Variants in NPR3 observed in about 807,000 individuals in gnomAD.
The protein encoded by NPR3 is natriuretic peptide receptor 3, also known as atrial natriuretic peptide receptor 3.
In NPR3, 34 loss-of-function variants were observed where a neutral mutation model predicts 54.5. That is an observed-to-expected ratio of 0.62 (90% CI 0.47 to 0.83). NPR3 has a LOEUF of 0.83. Ranked by LOEUF, NPR3 falls within the 40% of genes least tolerant of loss-of-function variation. The probability of loss-of-function intolerance (pLI) is 0.00; values close to 1 mark genes in which losing one functional copy is unlikely to be tolerated. For missense variants in NPR3, 674 were observed against 720.8 expected (o/e 0.94, Z 0.74); for synonymous variants, 289 against 297.1 (o/e 0.97, Z 0.28).
At chr5:32,727,077 A>G (rs1739175932) in intron 2 of NPR3, among the ~76,000 whole-genome samples, 1 of 152,210 alleles carries the variant, frequency 6.6e-6, no homozygotes, top group Non-Finnish European at 1.5e-5. Flanking sequence ...TATCTGTAAA[A>G]TAAATTTCTA....
chr5:32,751,983 C>A (rs1346462458), intron 3 of NPR3, among the ~76,000 whole-genome samples: 1 of 152,118 alleles, frequency 6.6e-6, no homozygotes, highest in Admixed American at 6.5e-5. Context: ...AGGTGGATCA[C>A]CTGAGGTCGG....
At chr5:32,719,991 T>A (rs1738769036) in intron 1 of NPR3, among the ~76,000 whole-genome samples, 1 of 152,220 alleles carries the variant, frequency 6.6e-6, no homozygotes, top group African/African-American at 2.4e-5. Context: ...ATGGAGAATA[T>A]GAATATATCC....
chr5:32,690,879 G>A lies in NPR3; in HGVS notation c.100+1693G>A, dbSNP rs933634296. ...TGCAGTCTACCCTGTTGGAGAAGCC[G>A]CATGGATGAGAACTGAGATGTTCCA... On this transcript the variant is annotated intron_variant, in intron 1 of 5. Transcript: ENST00000509104. Among the ~76,000 whole-genome samples the A allele has an allele frequency of 1.1e-4, 16 of 152,316 alleles. 1 individual carries two copies. The highest frequency in any genetic ancestry group is 7.2e-4 in the Admixed American group (11 of 15,302).
rs200357563 is a variant in NPR3 at position 32,774,789 on chromosome 5, A to C, written c.1141A>C (p.Ser381Arg). 6.2e-7 allele frequency: 1 copy of C among 1,608,648 alleles called. No individual in the cohort carries two copies. Among genetic ancestry groups the C allele is most frequent in the Admixed American group, 1.7e-5 (1 of 60,014 alleles). Residue 381 changes from serine (S) to arginine (R), a missense_variant, in exon 4 of 8, where the codon AGC (serine) becomes CGC (arginine). By Grantham distance (110) the Ser-to-Arg change is moderately radical. Transcript: ENST00000265074. The part of the protein sequence containing the change: ...ALHEVLRAGY[S>R]KKDGGKIIQQ... ...ACATGAAGTACTCAGAGCTGGTTAC[A>C]GCAAAAAGGATGGAGGGAAAATTAT...
At chr5:32,711,251 G>C, upstream of NPR3, 2 of 669,904 alleles carry the variant, frequency 3.0e-6, no homozygotes, top group Non-Finnish European at 3.5e-6. Flanking sequence ...CCCGGCCTCG[G>C]CGCGCCATGT....
chr5:32,711,601 G>A lies in NPR3; in HGVS notation c.-176G>A. 2 of 1,243,856 alleles carry A rather than the reference G, an allele frequency of 1.6e-6. No homozygotes were observed. The highest frequency in any genetic ancestry group is 2.0e-6 in the Non-Finnish European group (2 of 998,234). 77.1% of individuals were successfully genotyped at this position (1,243,856 alleles called of 1,614,324 possible). On this transcript the variant is annotated 5_prime_UTR_variant, in exon 1 of 8. Coordinates refer to ENST00000265074, the MANE Select transcript of NPR3 (RefSeq NM_001204375.2). ...TAAGAAAAACTAGTGACATTGCAGA[G>A]AAGGACGCTTCCTCTCTATCTTTTG...
intron 3 of NPR3, among the ~76,000 whole-genome samples, chr5:32,761,383 T>C (rs1165541502): frequency 6.6e-6 from 1 of 152,166 alleles, no homozygotes; most frequent in Non-Finnish European, 1.5e-5. Flanking sequence ...TGTGTAAAGA[T>C]CCTGCACATT....
At chr5:32,710,591 G>C (rs1057514536), upstream of NPR3, 13 of 1,391,778 alleles carry the variant, frequency 9.3e-6, no homozygotes, top group East Asian at 3.8e-4. Context: ...CCCAGGGGGA[G>C]GGGGCTGGCG....
At chr5:32,710,812 TG>T (rs1369079904), upstream of NPR3, 2 of 1,512,208 alleles carry the variant, frequency 1.3e-6, no homozygotes, top group Non-Finnish European at 1.8e-6. Flanking sequence ...TAAGGATTTT[TG>T]CACCGAAACC....
chr5:32,784,782 G>A lies in NPR3; in HGVS notation c.1427-14G>A. The stretch of plus-strand genomic sequence containing the variant: ...CTCCAAATGAACCCTGATTATCCAT[G>A]CTTCTTTTTCAAGCAGGTGGCCTAG... On this transcript the variant is annotated splice_polypyrimidine_tract_variant and intron_variant, in intron 6 of 7. Transcript: ENST00000265074. 2.5e-6 allele frequency: 4 copies of A among 1,605,110 alleles called. No individual in the cohort carries two copies. The highest frequency in any genetic ancestry group is 3.4e-6 in the Non-Finnish European group (4 of 1,172,006).
At chr5:32,739,640 C>T (rs1472863610) in intron 3 of NPR3, among the ~76,000 whole-genome samples, 1 of 152,128 alleles carries the variant, frequency 6.6e-6, no homozygotes, top group East Asian at 1.9e-4. Flanking sequence ...TCATTTCAGA[C>T]TGAGGATTAA....
intron 7 of NPR3, among the ~76,000 whole-genome samples, 171 bp from the exon 8 acceptor site, chr5:32,786,063 G>T (rs1056238547): frequency 6.6e-6 from 1 of 152,198 alleles, no homozygotes; most frequent in African/African-American, 2.4e-5. Flanking sequence ...TCTTGAATAA[G>T]GGCACCATGC....
chr5:32,789,886 A>G lies in NPR3; in HGVS notation c.*3541A>G. The G allele has an allele frequency of 2.4e-6, 1 of 419,454 alleles. No homozygotes were observed. Among genetic ancestry groups the G allele is most frequent in the South Asian group, 2.0e-5 (1 of 51,060 alleles). The allele number at this position is 419,454 out of a possible 1,614,324, so 26.0% of individuals were successfully genotyped here. On this transcript the variant is annotated 3_prime_UTR_variant, in exon 8 of 8. Coordinates refer to ENST00000265074, the MANE Select transcript of NPR3 (RefSeq NM_001204375.2). ...TCTTTGGGAGATCAAATAGAGTATT[A>G]TGCCACTGTGAGTGTTTATAAACTG...
chr5:32,705,227 A>G (rs1737954944), upstream of NPR3, among the ~76,000 whole-genome samples: 1 of 152,260 alleles, frequency 6.6e-6, no homozygotes, highest in Non-Finnish European at 1.5e-5. Context: ...TTACAAATAG[A>G]TAACTCATTC....
chr5:32,737,522 G>T (rs995167427), intron 2 of NPR3, among the ~76,000 whole-genome samples: 8 of 152,138 alleles, frequency 5.3e-5, no homozygotes, highest in African/African-American at 1.9e-4. Flanking sequence ...TGGGTTCAAG[G>T]CCTCTACCAA....
intron 1 of NPR3, among the ~76,000 whole-genome samples, chr5:32,718,198 T>C (rs1487019763): frequency 2.0e-5 from 3 of 152,250 alleles, no homozygotes; most frequent in African/African-American, 4.8e-5. Context: ...CATTGGTCTA[T>C]ATATTTGTTT....
At chr5:32,740,998 T>C (rs941367306) in intron 3 of NPR3, among the ~76,000 whole-genome samples, 3 of 147,728 alleles carry the variant, frequency 2.0e-5, no homozygotes, top group Admixed American at 7.0e-5. Flanking sequence ...TGGGTCATTA[T>C]TGAAAACATC....
Position 32,739,589 on chromosome 5 carries a change from T to A in NPR3, c.1059+559T>A, listed in dbSNP as rs181400585. Among the ~76,000 whole-genome samples the A allele has an allele frequency of 2.5e-3, 388 of 152,298 alleles. 1 individual carries two copies. Among genetic ancestry groups the A allele is most frequent in the Admixed American group, 3.7e-3 (57 of 15,298 alleles). ...AGGGCTTCACATTCCATTAGTGCTG[T>A]TGTTACTAGTGCATTTCAAGAGTGG... On this transcript the variant is annotated intron_variant, in intron 3 of 7. Transcript: ENST00000265074.
At chr5:32,700,303 A>G (rs758742940) in intron 1 of NPR3, among the ~76,000 whole-genome samples, 5 of 151,496 alleles carry the variant, frequency 3.3e-5, no homozygotes, top group Non-Finnish European at 7.4e-5. Flanking sequence ...CACTCTCTCT[A>G]CCTCCTCTTT....
Sources: gnomAD v4.1 joint callset for allele counts (sites outside exome capture counted in the v4.1 genomes callset) on GRCh38, gnomAD v4.1.1 for gene constraint, MANE v1.5 for transcripts, NCBI Gene and HGNC (gene_info 2026-07-23, HGNC 2026-07-21) for gene names.